The following HLTF variants were observed in gnomAD, a reference collection of about 807,000 sequenced individuals.
HLTF encodes the protein helicase like transcription factor.
A neutral mutation model predicts 129.4 loss-of-function variants in HLTF; 127 were observed. The observed-to-expected ratio is 0.98, with a 90% confidence interval of 0.85 to 1.14. The LOEUF is 1.14. HLTF is among the 50% of genes most tolerant of loss of function. HLTF has a pLI of 0.00. For synonymous variants in HLTF, 332 were observed against 388.8 expected (o/e 0.85, Z 1.72); for missense variants, 1,139 against 1,187.1 (o/e 0.96, Z 0.60).
At chr3:149,070,728 C>T (rs913720522) in intron 7 of HLTF, among the ~76,000 whole-genome samples, 9 of 152,116 alleles carry the variant, frequency 5.9e-5, no homozygotes, top group African/African-American at 1.9e-4. Context: ...ACAGGTCACC[C>T]TGAATTTCAA....
intron 2 of HLTF, among the ~76,000 whole-genome samples, chr3:149,078,558 T>C (rs1281320039): frequency 2.0e-5 from 3 of 147,446 alleles, no homozygotes; most frequent in Non-Finnish European, 3.0e-5. Flanking sequence ...TCTAAAAAAT[T>C]AAAAAGTTCA....
Position 149,084,763 on chromosome 3 carries a change from T to C in HLTF, c.147A>G (p.Leu49=). 1.9e-6 allele frequency: 3 copies of C among 1,614,084 alleles called. No homozygotes were observed. The East Asian group carries it at 6.7e-5, about 36-fold the overall frequency. Residue 49 remains leucine, a synonymous_variant, in exon 2 of 25, where the codon CTA becomes CTG. Transcript: ENST00000310053. ...CGGAATCTACTTCTTCATCACTAGTTAGAAAGTCATCTGGAGGGATAACAT... is the reference window on the plus strand; with the variant it reads ...CGGAATCTACTTCTTCATCACTAGTCAGAAAGTCATCTGGAGGGATAACAT... ...FQDVIPPDDF[L]TSDEEVDSVL... is the part of the protein sequence containing the mutation.
intron 2 of HLTF, among the ~76,000 whole-genome samples, chr3:149,081,103 T>C (rs1231699777): frequency 6.6e-6 from 1 of 152,116 alleles, no homozygotes; most frequent in Non-Finnish European, 1.5e-5. Context: ...GTTCACTCTG[T>C]TTCCACAAAG....
In HLTF at chr3:149,032,021, G is replaced by A. The variant is rs367798903; in HGVS notation, c.*199C>T. ...ATTATTTCAGGCCACAGTATATAACGGAACTTATTGCTATTTGAAGTTTCA... is the reference window on the plus strand; with the variant it reads ...ATTATTTCAGGCCACAGTATATAACAGAACTTATTGCTATTTGAAGTTTCA... On this transcript the variant is annotated 3_prime_UTR_variant, in exon 25 of 25. Coordinates refer to ENST00000310053, the MANE Select transcript of HLTF (RefSeq NM_003071.4). 23 of 389,260 alleles carry A rather than the reference G, an allele frequency of 5.9e-5. 1 individual carries two copies. The highest frequency in any genetic ancestry group is 2.1e-4 in the East Asian group (5 of 23,834). 24.1% of individuals were successfully genotyped at this position (389,260 alleles called of 1,614,324 possible).
intron 8 of HLTF, among the ~76,000 whole-genome samples, chr3:149,066,306 A>G (rs1718378920): frequency 6.6e-6 from 1 of 152,142 alleles, no homozygotes; most frequent in African/African-American, 2.4e-5. Flanking sequence ...TCAGCCTCCC[A>G]AAGTGCTGGG....
chr3:149,068,678 G>A (rs1426569966), intron 7 of HLTF, among the ~76,000 whole-genome samples: 1 of 152,070 alleles, frequency 6.6e-6, no homozygotes, highest in Non-Finnish European at 1.5e-5. Context: ...ATGAAGTTCG[G>A]AGCTAAAGTG....
chr3:149,050,478 C>T, intron 14 of HLTF, 103 bp from the exon 15 acceptor site: 1 of 646,192 alleles, frequency 1.5e-6, no homozygotes, highest in Non-Finnish European at 2.5e-6. Flanking sequence ...ACAAATCCAA[C>T]TACTAAAATT....
At position 149,032,227 on chromosome 3, in the gene HLTF, T is replaced by C; in HGVS notation, c.3023A>G (p.Asp1008Gly). 6.3e-7 allele frequency: 1 copy of C among 1,580,296 alleles called. No homozygotes were observed. The highest frequency in any genetic ancestry group is 1.2e-5 in the South Asian group (1 of 84,150). ...AKINEIRTLI[D>G]L Reference sequence around the variant, plus strand: ...TTACTAAAATCCCACAAATTATAAGTCAATTAATGTTCTGATTTCATTAAT... The same window carrying C: ...TTACTAAAATCCCACAAATTATAAGCCAATTAATGTTCTGATTTCATTAAT... The change falls in exon 25 of 25, where the codon GAC becomes GGC. Residue 1008 changes from aspartate (D) to glycine (G), a missense_variant. By Grantham distance (94) the Asp-to-Gly change is moderately conservative. Coordinates refer to ENST00000310053, the MANE Select transcript of HLTF (RefSeq NM_003071.4).
chr3:149,068,839 A>G (rs1465596091), intron 7 of HLTF, among the ~76,000 whole-genome samples: 1 of 152,224 alleles, frequency 6.6e-6, no homozygotes, highest in African/African-American at 2.4e-5. Flanking sequence ...TTCAATATTT[A>G]CTGCAGCTTA....
At chr3:149,062,748 T>C (rs889917649) in intron 10 of HLTF, among the ~76,000 whole-genome samples, 5 of 152,192 alleles carry the variant, frequency 3.3e-5, no homozygotes, top group East Asian at 1.9e-4. Context: ...TGTCAAGTTA[T>C]CTAATAAAAT....
intron 7 of HLTF, among the ~76,000 whole-genome samples, chr3:149,068,658 C>T (rs1718604295): frequency 6.6e-6 from 1 of 152,136 alleles, no homozygotes; most frequent in Admixed American, 6.5e-5. Flanking sequence ...TTTATAACTA[C>T]TCATTTGCCA....
chr3:149,086,491 G>A lies in HLTF; in HGVS notation c.-155C>T. On this transcript the variant is annotated 5_prime_UTR_variant, in exon 1 of 25. Transcript: ENST00000310053. ...GCACGACTGAAAGGTAAGTCGCCGC[G>A]AGTCCAGTCAGACGTCGACGCCGTC... The A allele has an allele frequency of 6.5e-6, 5 of 767,354 alleles. No individual in the cohort carries two copies. Among genetic ancestry groups the A allele is most frequent in the Non-Finnish European group, 1.1e-5 (5 of 470,900 alleles). The allele number at this position is 767,354 out of a possible 1,614,324, so 47.5% of individuals were successfully genotyped here. A position where few individuals can be genotyped will look rare whatever the true frequency, so the allele number is the denominator to read the frequency against.
In HLTF at chr3:149,049,676, C is replaced by A. The variant is rs995837046; in HGVS notation, c.1617+556G>T. ...TATACTTACAATCCAAATTTAAAAT[C>A]TTAACTTAAAATGTTCTAAATGAAA... On this transcript the variant is annotated intron_variant, in intron 15 of 24. Transcript: ENST00000310053. 5.9e-5 allele frequency among the ~76,000 whole-genome samples: 9 copies of A among 152,236 alleles called. No homozygotes were observed. The South Asian group carries it at 1.7e-3, about 28-fold the overall frequency.
In HLTF at chr3:149,068,341, A is replaced by C. The variant is rs762699678; in HGVS notation, c.895-6T>G. ...ATGGCCGTAAGAGTTTTACCCTTAAAAATGTTTTAAAAAGATAAATGGTCA... is the reference window on the plus strand; with the variant it reads ...ATGGCCGTAAGAGTTTTACCCTTAACAATGTTTTAAAAAGATAAATGGTCA... On this transcript the variant is annotated splice_region_variant and splice_polypyrimidine_tract_variant and intron_variant, in intron 7 of 24. Transcript: ENST00000310053. The C allele has an allele frequency of 2.2e-5, 30 of 1,348,602 alleles. No individual in the cohort carries two copies. In the African/African-American group the frequency reaches 4.0e-4, roughly 18 times the overall value. The allele number at this position is 1,348,602 out of a possible 1,614,324, so 83.5% of individuals were successfully genotyped here.
At chr3:149,051,610 C>T (rs1038201429) in intron 14 of HLTF, among the ~76,000 whole-genome samples, 19 of 152,208 alleles carry the variant, frequency 1.2e-4, no homozygotes, top group African/African-American at 2.2e-4. Flanking sequence ...CCTGTAATCC[C>T]GGCACTTTGG....
In HLTF at chr3:149,031,564, C is replaced by G. The variant is rs1715047955; in HGVS notation, c.*656G>C. The stretch of plus-strand genomic sequence containing the variant: ...TTACATTTAAACAATGAGTGTAGTA[C>G]TACTTAACTAAAATGGAAAAAATAG... On this transcript the variant is annotated 3_prime_UTR_variant, in exon 25 of 25. Transcript: ENST00000310053. 2.0e-5 allele frequency: 3 copies of G among 152,450 alleles called. No individual in the cohort carries two copies. Among genetic ancestry groups the G allele is most frequent in the Admixed American group, 1.3e-4 (2 of 15,272 alleles). 9.4% of individuals were successfully genotyped at this position (152,450 alleles called of 1,614,324 possible).
intron 8 of HLTF, among the ~76,000 whole-genome samples, chr3:149,066,745 T>G (rs1264571374): frequency 6.6e-6 from 1 of 152,188 alleles, no homozygotes; most frequent in Non-Finnish European, 1.5e-5. Flanking sequence ...TCTTATGTGC[T>G]TCTATCAAAT....
intron 7 of HLTF, among the ~76,000 whole-genome samples, chr3:149,070,928 C>A (rs192025509): frequency 6.6e-6 from 1 of 152,126 alleles, no homozygotes; most frequent in East Asian, 1.9e-4. Context: ...GCCTGTAATC[C>A]CAGCTATTTG....
chr3:149,058,989 C>T (rs907846610), intron 13 of HLTF, among the ~76,000 whole-genome samples: 1 of 152,174 alleles, frequency 6.6e-6, no homozygotes, highest in Non-Finnish European at 1.5e-5. Flanking sequence ...TTATCTGATT[C>T]TTGGACCAAA....
Sources: allele counts gnomAD v4.1 joint callset (sites outside exome capture counted in the v4.1 genomes callset), GRCh38; gene constraint gnomAD v4.1.1; transcripts MANE v1.5; gene names NCBI Gene and HGNC (gene_info 2026-07-23, HGNC 2026-07-21).